DRC4: variants seen among roughly 807,000 people sequenced by gnomAD.
DRC4 encodes the protein dynein regulatory complex subunit 4, also known as GAS-11.
At chr16:90,022,604 T>G in the DRC4 span, 1 of 1,173,150 alleles carries the variant, frequency 8.5e-7, no homozygotes, top group Admixed American at 3.7e-5. Context: ...CCCGGCGGAG[T>G]CTCGCGAGGA....
chr16:90,042,603 G>T, the DRC4 span: 7 of 1,360,566 alleles, frequency 5.1e-6, no homozygotes, highest in East Asian at 1.6e-4. Context: ...AATGCAGACG[G>T]TCTCTGAGGA....
the DRC4 span, chr16:90,042,615 C>A: frequency 8.8e-7 from 1 of 1,132,738 alleles, no homozygotes; most frequent in Non-Finnish European, 1.3e-6. Flanking sequence ...CTCTGAGGAC[C>A]CCACCTGTGC....
chr16:90,029,440 T>A, the DRC4 span: 1 of 752,944 alleles, frequency 1.3e-6, no homozygotes, highest in Non-Finnish European at 1.9e-6. Flanking sequence ...ATAAGAAATC[T>A]GAATATTGAG....
the DRC4 span, chr16:90,037,164 C>G: frequency 1.4e-6 from 2 of 1,480,056 alleles, no homozygotes; most frequent in Non-Finnish European, 1.8e-6. Context: ...CCAGCTCTCA[C>G]CATGCAGGCC....
chr16:90,039,089 A>T, the DRC4 span, among the ~76,000 whole-genome samples: 1 of 152,246 alleles, frequency 6.6e-6, no homozygotes, highest in African/African-American at 2.4e-5. Flanking sequence ...AGGCTGTGCC[A>T]ACTCTTGGCA....
At chr16:90,028,487 C>G in the DRC4 span, among the ~76,000 whole-genome samples, 2 of 152,088 alleles carry the variant, frequency 1.3e-5, no homozygotes, top group Admixed American at 6.6e-5. Context: ...CACGCCTGGC[C>G]AGTCATTCAT....
the DRC4 span, chr16:90,032,689 G>A: frequency 6.2e-7 from 1 of 1,606,612 alleles, no homozygotes; most frequent in Non-Finnish European, 8.5e-7. Flanking sequence ...TGGTGCAGGT[G>A]AGCAGATGGT....
At chr16:90,027,413 T>C in the DRC4 span, among the ~76,000 whole-genome samples, 1 of 152,168 alleles carries the variant, frequency 6.6e-6, no homozygotes, top group African/African-American at 2.4e-5. Context: ...AGGAATGTTC[T>C]CCTTCTCAAA....
the DRC4 span, chr16:90,036,368 T>C: frequency 6.3e-7 from 1 of 1,592,862 alleles, no homozygotes; most frequent in Non-Finnish European, 8.6e-7. Context: ...TGCTGTTTGC[T>C]GCTGCCTTTC....
the DRC4 span, chr16:90,036,335 C>T: frequency 1.3e-6 from 2 of 1,513,636 alleles, no homozygotes; most frequent in Non-Finnish European, 9.0e-7. Context: ...GCCGTAGGGG[C>T]ACCACGTCTT....
At chr16:90,027,610 C>T in the DRC4 span, 1 of 1,610,852 alleles carries the variant, frequency 6.2e-7, no homozygotes, top group South Asian at 1.1e-5. Context: ...GTTAGAGTCT[C>T]TCTTACCCCA....
chr16:90,042,133 G>T, the DRC4 span, among the ~76,000 whole-genome samples: 1 of 151,814 alleles, frequency 6.6e-6, no homozygotes, highest in Non-Finnish European at 1.5e-5. Flanking sequence ...ACGGGGTTTC[G>T]CCACGTTGGC....
At chr16:90,043,857 G>A in the DRC4 span, 1 of 465,612 alleles carries the variant, frequency 2.1e-6, no homozygotes, top group Non-Finnish European at 4.5e-6. Flanking sequence ...TGAGGGCTGG[G>A]TGGGTGCAGC....
chr16:90,037,042 C>T, the DRC4 span: 1 of 613,922 alleles, frequency 1.6e-6, no homozygotes, highest in Admixed American at 3.2e-5. Flanking sequence ...AAGCTGCATT[C>T]CCAGAAAACT....
At chr16:90,025,390 G>A in the DRC4 span, among the ~76,000 whole-genome samples, 1 of 150,958 alleles carries the variant, frequency 6.6e-6, no homozygotes, top group East Asian at 2.0e-4. Context: ...GGTGGCTCAC[G>A]CCTGTAATCC....
the DRC4 span, chr16:90,044,562 G>A: frequency 2.1e-6 from 1 of 471,142 alleles, no homozygotes; most frequent in Non-Finnish European, 4.4e-6. Context: ...CAGTGTCGAA[G>A]GTGAGCTTGT....
At chr16:90,036,477 A>C in the DRC4 span, 4 of 1,613,992 alleles carry the variant, frequency 2.5e-6, 1 homozygote, top group South Asian at 4.4e-5. Flanking sequence ...GAGAGGAAGA[A>C]TGGCCAGATC....
At chr16:90,020,485 C>T in the DRC4 span, among the ~76,000 whole-genome samples, 4 of 152,176 alleles carry the variant, frequency 2.6e-5, no homozygotes, top group Non-Finnish European at 5.9e-5. Context: ...TTTGTATTAA[C>T]ATTTGCTCTG....
the DRC4 span, chr16:90,031,570 C>T: frequency 1.7e-5 from 25 of 1,443,348 alleles, no homozygotes; most frequent in South Asian, 1.5e-4. Context: ...AGTGAGGGTG[C>T]AGGTGGGACA....
Sources: allele counts gnomAD v4.1 joint callset (sites outside exome capture counted in the v4.1 genomes callset), GRCh38; gene constraint gnomAD v4.1.1; transcripts MANE v1.5; gene names NCBI Gene and HGNC (gene_info 2026-07-23, HGNC 2026-07-21).